JMJD1C: variants seen among roughly 807,000 people sequenced by gnomAD.
The protein encoded by JMJD1C is jumonji domain-containing protein 1C.
Under a neutral mutation model 245.3 loss-of-function variants are expected in JMJD1C, and 31 were observed. The observed-to-expected ratio is 0.13, with a 90% confidence interval of 0.09 to 0.17. The LOEUF (loss-of-function observed/expected upper bound fraction) is 0.17, where lower values mean the gene tolerates loss of function less well. Ranked by LOEUF, JMJD1C falls within the 10% of genes least tolerant of loss-of-function variation. The pLI is 1.00. For missense variants in JMJD1C, 2,691 were observed against 3,000.2 expected, an observed-to-expected ratio of 0.90 and a Z score of 2.41; for synonymous variants, 1,057 against 1,017.4, an observed-to-expected ratio of 1.04 and a Z score of -0.74.
chr10:63,343,736 T>TA (rs938964517), intron 2 of JMJD1C, among the ~76,000 whole-genome samples: 42 of 152,018 alleles, frequency 2.8e-4, no homozygotes, highest in African/African-American at 9.2e-4. Context: ...CAATTATTTT[T>TA]AAAAAAAATT....
At chr10:63,343,122 G>C (rs1038836031) in intron 2 of JMJD1C, among the ~76,000 whole-genome samples, 1 of 152,102 alleles carries the variant, frequency 6.6e-6, no homozygotes, top group Non-Finnish European at 1.5e-5. Context: ...AGAACTTTGG[G>C]AGGCCAAGAT....
At chr10:63,225,979 T>C (rs1849220548) in intron 3 of JMJD1C, among the ~76,000 whole-genome samples, 1 of 71,080 alleles carries the variant, frequency 1.4e-5, no homozygotes, top group African/African-American at 4.6e-5. Context: ...CAGGTTCTTC[T>C]CCCCCACCCC....
intron 1 of JMJD1C, among the ~76,000 whole-genome samples, chr10:63,472,969 G>A (rs910681246): frequency 1.3e-5 from 2 of 151,878 alleles, no homozygotes; most frequent in African/African-American, 4.8e-5. Flanking sequence ...ATTTTTAGTA[G>A]AGACAGGGTC....
intron 2 of JMJD1C, chr10:63,269,355 C>T (rs1856008654): frequency 3.7e-6 from 1 of 270,032 alleles, no homozygotes; most frequent in Non-Finnish European, 5.7e-6. Flanking sequence ...CATTTGGCTG[C>T]GGCCATAGAG....
chr10:63,252,424 AAAAGACT>A lies in JMJD1C; in HGVS notation c.447+12220_447+12226del, dbSNP rs146999294. Among the ~76,000 whole-genome samples the A allele has an allele frequency of 3.7e-3, 560 of 152,324 alleles. 4 individuals carry two copies. Among genetic ancestry groups the A allele is most frequent in the African/African-American group, 0.013 (542 of 41,562 alleles). ...TCCAATCAGTTGAAGGCCTTAAGAA[AAAAGACT>A]AAGGTCTCTCAAGGAAAAATGGATT... On this transcript the variant is annotated intron_variant, in intron 3 of 25. Transcript: ENST00000399262.
chr10:63,229,355 G>A (rs564512357), intron 3 of JMJD1C, among the ~76,000 whole-genome samples: 31 of 151,750 alleles, frequency 2.0e-4, no homozygotes, highest in South Asian at 1.2e-3. Flanking sequence ...ATAAAGATTC[G>A]GATGGGGCTA....
At chr10:63,426,488 T>C (rs1368162558) in intron 1 of JMJD1C, among the ~76,000 whole-genome samples, 1 of 152,142 alleles carries the variant, frequency 6.6e-6, no homozygotes. Flanking sequence ...CTGACCAACA[T>C]GGTGAAACCC....
intron 2 of JMJD1C, among the ~76,000 whole-genome samples, chr10:63,372,751 C>T (rs1946410024): frequency 6.6e-6 from 1 of 152,192 alleles, no homozygotes; most frequent in South Asian, 2.1e-4. Context: ...CCTCAAAGAA[C>T]TTACAATCTA....
chr10:63,454,607 T>C (rs1370953365), intron 1 of JMJD1C, among the ~76,000 whole-genome samples: 1 of 152,098 alleles, frequency 6.6e-6, no homozygotes, highest in Non-Finnish European at 1.5e-5. Context: ...ATTTTTGCAT[T>C]TTTAGTAGAG....
At chr10:63,277,605 C>T (rs552401580) in intron 2 of JMJD1C, among the ~76,000 whole-genome samples, 1 of 151,884 alleles carries the variant, frequency 6.6e-6, no homozygotes, top group Admixed American at 6.6e-5. Flanking sequence ...ATATTCTGGT[C>T]TCTTACCAGA....
At chr10:63,393,653 T>C (rs1204210080) in intron 1 of JMJD1C, among the ~76,000 whole-genome samples, 1 of 152,152 alleles carries the variant, frequency 6.6e-6, no homozygotes, top group Admixed American at 6.5e-5. Context: ...AACAGATGAA[T>C]AGGTGAAGAA....
intron 1 of JMJD1C, among the ~76,000 whole-genome samples, chr10:63,482,946 T>C (rs575101184): frequency 2.6e-5 from 4 of 152,342 alleles, no homozygotes; most frequent in Admixed American, 2.6e-4. Flanking sequence ...TTCCTAATTT[T>C]TGAAAAATTA....
chr10:63,298,736 C>A (rs1859725061), intron 2 of JMJD1C, among the ~76,000 whole-genome samples: 1 of 152,048 alleles, frequency 6.6e-6, no homozygotes, highest in South Asian at 2.1e-4. Context: ...CACATTCATT[C>A]TAATCTTTTT....
chr10:63,437,716 T>G (rs1277626396), intron 1 of JMJD1C, among the ~76,000 whole-genome samples: 2 of 152,226 alleles, frequency 1.3e-5, no homozygotes, highest in African/African-American at 4.8e-5. Flanking sequence ...ACTCACTTTA[T>G]CAGGCTTTTG....
chr10:63,310,841 A>T (rs935581860), intron 2 of JMJD1C, among the ~76,000 whole-genome samples: 3 of 152,228 alleles, frequency 2.0e-5, no homozygotes, highest in African/African-American at 7.2e-5. Flanking sequence ...AATGGTCAAC[A>T]AATGTAAAAA....
At chr10:63,354,286 G>A (rs1453456458) in intron 2 of JMJD1C, among the ~76,000 whole-genome samples, 2 of 152,184 alleles carry the variant, frequency 1.3e-5, no homozygotes, top group African/African-American at 4.8e-5. Flanking sequence ...TAAGAGAAGG[G>A]TAGTCACTAG....
intron 1 of JMJD1C, among the ~76,000 whole-genome samples, chr10:63,497,832 A>G (rs1336885474): frequency 6.6e-6 from 1 of 152,246 alleles, no homozygotes; most frequent in Non-Finnish European, 1.5e-5. Flanking sequence ...CAAGTAGCAA[A>G]CTTTAGAGAA....
At chr10:63,280,415 T>C (rs560563484) in intron 2 of JMJD1C, among the ~76,000 whole-genome samples, 172 of 151,920 alleles carry the variant, frequency 1.1e-3, no homozygotes, top group African/African-American at 3.9e-3. Flanking sequence ...CTGGGTGTGG[T>C]GGAACGCACC....
chr10:63,519,419 G>C (rs572715410), intron 1 of JMJD1C, among the ~76,000 whole-genome samples: 27 of 152,290 alleles, frequency 1.8e-4, no homozygotes, highest in Middle Eastern at 6.8e-3. Context: ...GATGCCTAAA[G>C]AGTGACTGTA....
Sources: gnomAD v4.1 joint callset for allele counts (sites outside exome capture counted in the v4.1 genomes callset) on GRCh38, gnomAD v4.1.1 for gene constraint, MANE v1.5 for transcripts, NCBI Gene and HGNC (gene_info 2026-07-23, HGNC 2026-07-21) for gene names.